Variants in CRB1 observed in about 807,000 individuals in gnomAD.
CRB1 encodes crumbs cell polarity complex component 1, also known as protein crumbs homolog 1.
CRB1 carries 83 observed loss-of-function variants against 120.0 expected under a neutral mutation model. The observed-to-expected ratio is 0.69, with a 90% CI of 0.58 to 0.83. CRB1 has a LOEUF of 0.83. Among genes scored for constraint, CRB1 ranks in the 40% least tolerant of loss-of-function variants. The pLI, the probability that CRB1 is intolerant of heterozygous loss-of-function variation, is 0.00. For missense variants in CRB1, 1,699 were observed against 1,687.6 expected, an observed-to-expected ratio of 1.01 and a Z score of -0.12; for synonymous variants, 625 against 612.5, an observed-to-expected ratio of 1.02 and a Z score of -0.30.
intron 1 of CRB1, among the ~76,000 whole-genome samples, chr1:197,290,265 C>T (rs1426458396): frequency 1.5e-5 from 2 of 136,898 alleles, no homozygotes; most frequent in African/African-American, 2.8e-5. Context: ...TGTTCCCTTT[C>T]GTGTGTGTGT....
chr1:197,469,231 A>T (rs1429924559), intron 11 of CRB1, among the ~76,000 whole-genome samples: 1 of 152,200 alleles, frequency 6.6e-6, no homozygotes, highest in African/African-American at 2.4e-5. Context: ...AAATAAATAA[A>T]TAAATAAAAT....
intron 4 of CRB1, among the ~76,000 whole-genome samples, chr1:197,356,160 A>G (rs1281705089): frequency 6.6e-6 from 1 of 152,244 alleles, no homozygotes; most frequent in Non-Finnish European, 1.5e-5. Flanking sequence ...TGCAGATAAT[A>G]CAGTTCCAGT....
chr1:197,284,782 A>G (rs1027794665), intron 1 of CRB1, among the ~76,000 whole-genome samples: 1 of 151,598 alleles, frequency 6.6e-6, no homozygotes, highest in Non-Finnish European at 1.5e-5. Flanking sequence ...AAAATTGACA[A>G]ATAAAGTGCA....
chr1:197,260,699 ATTTT>A, the CRB1 span, among the ~76,000 whole-genome samples: 1 of 144,282 alleles, frequency 6.9e-6, no homozygotes, highest in Admixed American at 6.9e-5. Flanking sequence ...CAACTAACTA[ATTTT>A]TTTTTTTTTT....
Position 197,334,442 on chromosome 1 carries a change from G to T in CRB1, c.652+5439G>T, listed in dbSNP as rs139071407. Reference sequence around the variant, plus strand: ...CTAAGAGGAGGTATTTAGGCCATGAGGATGGAACCTTCAGGAATGGATTAA... The same window carrying T: ...CTAAGAGGAGGTATTTAGGCCATGATGATGGAACCTTCAGGAATGGATTAA... On this transcript the variant is annotated intron_variant, in intron 2 of 11. Transcript: ENST00000367400. Among the ~76,000 whole-genome samples, 853 of 152,252 alleles carry T rather than the reference G, an allele frequency of 5.6e-3. 10 individuals carry two copies. The highest frequency in any genetic ancestry group is 0.019 in the African/African-American group (805 of 41,546).
chr1:197,232,348 G>A, the CRB1 span, among the ~76,000 whole-genome samples: 1 of 152,112 alleles, frequency 6.6e-6, no homozygotes, highest in Non-Finnish European at 1.5e-5. Context: ...TTAAAGAACT[G>A]GGCCAACTGG....
At chr1:197,360,644 G>A (rs78729372) in intron 5 of CRB1, among the ~76,000 whole-genome samples, 5,710 of 152,242 alleles carry the variant, frequency 0.038, 196 homozygotes, top group East Asian at 0.086. Context: ...ATTGTTTCTT[G>A]GTTGTTGATT....
intron 10 of CRB1, 130 bp from the exon 11 acceptor site, chr1:197,442,036 T>C (rs935493403): frequency 9.8e-7 from 1 of 1,019,050 alleles, no homozygotes; most frequent in Non-Finnish European, 1.5e-6. Flanking sequence ...ATCAAGTATG[T>C]ATAAAGTATG....
chr1:197,312,291 C>T lies in CRB1; in HGVS notation c.71-16131C>T, dbSNP rs888652575. Among the ~76,000 whole-genome samples the T allele has an allele frequency of 6.6e-5, 10 of 152,210 alleles. 1 individual carries two copies. The highest frequency in any genetic ancestry group is 1.3e-4 in the Admixed American group (2 of 15,286). ...TAAAACATTGTTAACAGGCTGGGTGCGGTGGCTCATGCCTGTAATCCCAGC... is the reference window on the plus strand; with the variant it reads ...TAAAACATTGTTAACAGGCTGGGTGTGGTGGCTCATGCCTGTAATCCCAGC... On this transcript the variant is annotated intron_variant, in intron 1 of 11. Transcript: ENST00000367400.
At chr1:197,264,004 A>C (rs576317290), upstream of CRB1, among the ~76,000 whole-genome samples, 8 of 152,216 alleles carry the variant, frequency 5.3e-5, no homozygotes, top group Non-Finnish European at 1.2e-4. Flanking sequence ...TGTATTTAAA[A>C]GGCACAAGTG....
the CRB1 span, among the ~76,000 whole-genome samples, chr1:197,260,863 A>C: frequency 5.7e-3 from 871 of 151,984 alleles, 8 homozygotes; most frequent in African/African-American, 0.017. Flanking sequence ...CGCCCAACTA[A>C]TTTTTGTATT....
chr1:197,440,144 T>C (rs1016730775), intron 10 of CRB1: 8 of 152,318 alleles, frequency 5.3e-5, no homozygotes, highest in Admixed American at 2.0e-4. Context: ...GTCATTAATT[T>C]TGAGTAATCC....
At chr1:197,475,292 G>C (rs1338830388) in intron 11 of CRB1, among the ~76,000 whole-genome samples, 1 of 152,062 alleles carries the variant, frequency 6.6e-6, no homozygotes, top group African/African-American at 2.4e-5. Context: ...TGTGAACCCA[G>C]TTTTTCCTCA....
At chr1:197,357,713 C>T (rs1013971175) in intron 5 of CRB1, 3 of 152,610 alleles carry the variant, frequency 2.0e-5, no homozygotes, top group Non-Finnish European at 2.9e-5. Flanking sequence ...AGTGATGCCT[C>T]TGGAAAATAT....
chr1:197,378,255 A>G (rs1386045316), intron 5 of CRB1, among the ~76,000 whole-genome samples: 1 of 152,216 alleles, frequency 6.6e-6, no homozygotes, highest in Non-Finnish European at 1.5e-5. Context: ...CCAATAGCGT[A>G]AGATTTTTCA....
At chr1:197,327,103 A>ACAAGC (rs749229702) in intron 1 of CRB1, among the ~76,000 whole-genome samples, 1 of 96,748 alleles carries the variant, frequency 1.0e-5, no homozygotes, top group African/African-American at 3.2e-5. Context: ...AAAAAAAAAA[A>ACAAGC]AAAAAAAAAA....
At chr1:197,276,273 G>T (rs1464404811) in intron 1 of CRB1, among the ~76,000 whole-genome samples, 1 of 151,730 alleles carries the variant, frequency 6.6e-6, no homozygotes, top group Admixed American at 6.6e-5. Flanking sequence ...GGTTTGACGG[G>T]ACCAAAAATT....
intron 5 of CRB1, among the ~76,000 whole-genome samples, chr1:197,386,065 A>G (rs1213877985): frequency 6.6e-6 from 1 of 152,056 alleles, no homozygotes; most frequent in Non-Finnish European, 1.5e-5. Context: ...TAAAACCGAC[A>G]TGCGGATGTT....
At chr1:197,237,917 A>G in the CRB1 span, among the ~76,000 whole-genome samples, 1 of 151,704 alleles carries the variant, frequency 6.6e-6, no homozygotes, top group Non-Finnish European at 1.5e-5. Flanking sequence ...TTCTTTTTCT[A>G]GGTTCTTGAG....
Sources: gnomAD v4.1 joint callset for allele counts (sites outside exome capture counted in the v4.1 genomes callset) on GRCh38, gnomAD v4.1.1 for gene constraint, MANE v1.5 for transcripts, NCBI Gene and HGNC (gene_info 2026-07-23, HGNC 2026-07-21) for gene names.